FAM81A: variants seen among roughly 807,000 people sequenced by gnomAD.
FAM81A encodes protein FAM81A.
A neutral mutation model predicts 46.7 loss-of-function variants in FAM81A; 19 were observed. That is an observed-to-expected ratio of 0.41 (90% CI 0.28 to 0.60). The LOEUF (loss-of-function observed/expected upper bound fraction) is 0.60, where lower values mean the gene tolerates loss of function less well. Among genes scored for constraint, FAM81A ranks in the 20% least tolerant of loss-of-function variants. The probability of loss-of-function intolerance (pLI) is 0.34; values close to 1 mark genes in which losing one functional copy is unlikely to be tolerated. For missense variants in FAM81A, 377 were observed against 453.5 expected (o/e 0.83, Z 1.53); for synonymous variants, 183 against 152.9 (o/e 1.20, Z -1.45).
chr15:59,407,302 T>G (rs2081100312), intron 2 of FAM81A: 1 of 145,500 alleles, frequency 6.9e-6, no homozygotes, highest in Admixed American at 6.9e-5. Flanking sequence ...TTTTTTTTTT[T>G]TTTTTTTTTT....
intron 8 of FAM81A, among the ~76,000 whole-genome samples, chr15:59,520,640 T>C (rs900007173): frequency 6.6e-6 from 1 of 150,966 alleles, no homozygotes; most frequent in East Asian, 2.0e-4. Context: ...CTCAGCTCAC[T>C]GCAACGTCCG....
At chr15:59,487,408 TAATG>T (rs1466536714) in intron 3 of FAM81A, among the ~76,000 whole-genome samples, 1 of 150,030 alleles carries the variant, frequency 6.7e-6, no homozygotes, top group Non-Finnish European at 1.5e-5. Flanking sequence ...AGAAAGGAAA[TAATG>T]AAGATCAGAG....
rs903758477 is a variant in FAM81A, at chr15:59,502,315, A to G, written c.414-4898A>G. 2.6e-5 allele frequency among the ~76,000 whole-genome samples: 4 copies of G among 151,842 alleles called. No homozygotes were observed. In the South Asian group the frequency reaches 8.3e-4, roughly 32 times the overall value. On this transcript the variant is annotated intron_variant, in intron 4 of 8. Transcript: ENST00000288228. ...TCATTTAGCATTAGGTATATCTCCT[A>G]AAGCTATCCCTTCCCGCTCCCCCCC...
At chr15:59,441,844 C>G in intron 1 of FAM81A, among the ~76,000 whole-genome samples, 1 of 152,152 alleles carries the variant, frequency 6.6e-6, no homozygotes, top group East Asian at 1.9e-4. Context: ...CTTTCCTTTC[C>G]TTTTCCTCCT....
At chr15:59,435,026 T>A (rs1372994012), upstream of FAM81A, among the ~76,000 whole-genome samples, 1 of 152,210 alleles carries the variant, frequency 6.6e-6, no homozygotes, top group Non-Finnish European at 1.5e-5. Flanking sequence ...TGGTGGCTTA[T>A]GCCTGTAATC....
intron 3 of FAM81A, among the ~76,000 whole-genome samples, chr15:59,464,187 T>C (rs572224238): frequency 3.9e-5 from 6 of 152,356 alleles, no homozygotes; most frequent in Admixed American, 2.0e-4. Flanking sequence ...ATTGTGTATA[T>C]ACACCACATT....
At chr15:59,429,274 T>C (rs759778909) in intron 2 of FAM81A, among the ~76,000 whole-genome samples, 4 of 152,234 alleles carry the variant, frequency 2.6e-5, no homozygotes, top group African/African-American at 4.8e-5. Flanking sequence ...TGTCTTGGTA[T>C]GAATCTTTTT....
intron 6 of FAM81A, among the ~76,000 whole-genome samples, chr15:59,509,451 G>A (rs1290730055): frequency 1.3e-5 from 2 of 152,178 alleles, no homozygotes; most frequent in Non-Finnish European, 2.9e-5. Context: ...TGGCAAAAGG[G>A]GACTTTGCAG....
intron 4 of FAM81A, among the ~76,000 whole-genome samples, chr15:59,496,913 G>A (rs1422767554): frequency 2.0e-5 from 3 of 151,712 alleles, no homozygotes; most frequent in Non-Finnish European, 2.9e-5. Flanking sequence ...ATCTCCTGAG[G>A]TCAGGTATTT....
At chr15:59,417,582 G>T (rs1031266715) in intron 2 of FAM81A, among the ~76,000 whole-genome samples, 2 of 151,736 alleles carry the variant, frequency 1.3e-5, no homozygotes, top group East Asian at 1.9e-4. Context: ...AGGCATAATG[G>T]TGCACGCCTG....
At chr15:59,430,489 C>T (rs2081215304) in intron 2 of FAM81A, among the ~76,000 whole-genome samples, 1 of 152,088 alleles carries the variant, frequency 6.6e-6, no homozygotes, top group African/African-American at 2.4e-5. Flanking sequence ...TGGTCTTGAG[C>T]TCCTGACCTC....
At chr15:59,512,089 A>T (rs1275976040) in intron 6 of FAM81A, among the ~76,000 whole-genome samples, 8 of 152,258 alleles carry the variant, frequency 5.3e-5, no homozygotes, top group Admixed American at 5.2e-4. Context: ...CTACAGCTAT[A>T]CAAATCAGCA....
At chr15:59,426,408 C>T (rs148082860) in intron 2 of FAM81A, among the ~76,000 whole-genome samples, 120 of 152,260 alleles carry the variant, frequency 7.9e-4, no homozygotes, top group African/African-American at 2.5e-3. Flanking sequence ...GAGTTCAAGA[C>T]CAGCCTGACC....
rs147802092 is a variant in FAM81A at position 59,453,409 on chromosome 15, A to G, written c.-77-5141A>G. On this transcript the variant is annotated intron_variant, in intron 1 of 8. Transcript: ENST00000288228. ...AAACTAATGCACATAAATGTGCTTC[A>G]TGAGTACCGGCCCTTCTCAAGTAAG... Among the ~76,000 whole-genome samples, 30 of 152,332 alleles carry G rather than the reference A, an allele frequency of 2.0e-4. No homozygotes were observed. The East Asian group carries it at 4.0e-3, about 21-fold the overall frequency.
At chr15:59,516,862 T>A in intron 8 of FAM81A, 22 bp downstream of exon 8, 1 of 1,553,352 alleles carries the variant, frequency 6.4e-7, no homozygotes, top group Non-Finnish European at 8.7e-7. Flanking sequence ...CCAGAACAGC[T>A]CACGTGCTTT....
intron 3 of FAM81A, among the ~76,000 whole-genome samples, chr15:59,488,112 C>A (rs547763755): frequency 2.0e-5 from 3 of 152,198 alleles, no homozygotes; most frequent in African/African-American, 7.2e-5. Context: ...AAAGATGGTT[C>A]AACATATGCA....
chr15:59,447,889 C>A (rs749640651), intron 1 of FAM81A, among the ~76,000 whole-genome samples: 1 of 152,150 alleles, frequency 6.6e-6, no homozygotes, highest in Non-Finnish European at 1.5e-5. Context: ...CGAAGGAAGG[C>A]AGATAATTGG....
At chr15:59,475,365 C>G (rs909517879) in intron 3 of FAM81A, among the ~76,000 whole-genome samples, 1 of 152,162 alleles carries the variant, frequency 6.6e-6, no homozygotes, top group Non-Finnish European at 1.5e-5. Context: ...TGGTCTTGAG[C>G]TCCTGTCCTC....
intron 4 of FAM81A, among the ~76,000 whole-genome samples, chr15:59,498,676 C>G (rs1382554846): frequency 6.6e-6 from 1 of 152,060 alleles, no homozygotes; most frequent in African/African-American, 2.4e-5. Flanking sequence ...CCTTTGGAGA[C>G]AGAGTCTTGC....
Sources: allele counts gnomAD v4.1 joint callset (sites outside exome capture counted in the v4.1 genomes callset), GRCh38; gene constraint gnomAD v4.1.1; transcripts MANE v1.5; gene names NCBI Gene and HGNC (gene_info 2026-07-23, HGNC 2026-07-21).